CDH13: variants seen among roughly 807,000 people sequenced by gnomAD.
The protein encoded by CDH13 is cadherin-13.
A neutral mutation model predicts 63.8 loss-of-function variants in CDH13; 24 were observed. That is an observed-to-expected ratio of 0.38 (90% confidence interval 0.27 to 0.53). The LOEUF (loss-of-function observed/expected upper bound fraction) is 0.53. Ranked by LOEUF, CDH13 falls within the 20% of genes least tolerant of loss-of-function variation. The probability of loss-of-function intolerance (pLI) is 0.85; values close to 1 mark genes in which losing one functional copy is unlikely to be tolerated. For missense variants in CDH13, 1,049 were observed against 903.1 expected, an observed-to-expected ratio of 1.16 and a Z score of -2.07; for synonymous variants, 503 against 355.3, an observed-to-expected ratio of 1.42 and a Z score of -4.67.
intron 10 of CDH13, among the ~76,000 whole-genome samples, chr16:83,746,696 A>G (rs1225445214): frequency 6.6e-6 from 1 of 152,168 alleles, no homozygotes; most frequent in Admixed American, 6.5e-5. Flanking sequence ...ATGTCACTTC[A>G]TGGGGATGTA....
chr16:83,487,796 T>C (rs1466727675), intron 7 of CDH13, among the ~76,000 whole-genome samples: 4 of 152,186 alleles, frequency 2.6e-5, no homozygotes. Flanking sequence ...CTCAGTGTTT[T>C]TGATGAAATA....
chr16:83,423,727 A>C (rs2071789709), intron 6 of CDH13, among the ~76,000 whole-genome samples: 2 of 152,220 alleles, frequency 1.3e-5, no homozygotes, highest in Admixed American at 1.3e-4. Flanking sequence ...CCTAATAAAT[A>C]TGTAGGATCA....
chr16:82,970,492 C>T lies in CDH13; in HGVS notation c.158-61518C>T, dbSNP rs1417139911. Among the ~76,000 whole-genome samples, 8 of 141,136 alleles carry T rather than the reference C, an allele frequency of 5.7e-5. 2 individuals are homozygous for T. Among genetic ancestry groups the T allele is most frequent in the East Asian group, 4.3e-4 (2 of 4,680 alleles). 92.6% of individuals were successfully genotyped at this position (141,136 alleles called of 152,430 possible). A position where few individuals can be genotyped will look rare whatever the true frequency, so the allele number is the denominator to read the frequency against. ...TCGGCTCACTGCAAGCTCCACTTCC[C>T]GGGTTCACGCCATTCTCCTGCCTCA... On this transcript the variant is annotated intron_variant, in intron 2 of 13. Transcript: ENST00000567109.
chr16:83,558,920 T>C (rs1448954222), intron 7 of CDH13, among the ~76,000 whole-genome samples: 1 of 151,340 alleles, frequency 6.6e-6, no homozygotes, highest in Admixed American at 6.6e-5. Flanking sequence ...CCTCTGTATC[T>C]GTGGCACAAG....
Position 83,340,998 on chromosome 16 carries a change from A to T in CDH13, c.637-3864A>T, listed in dbSNP as rs377117681. Among the ~76,000 whole-genome samples, 8 of 152,140 alleles carry T rather than the reference A, an allele frequency of 5.3e-5. No homozygotes were observed. The East Asian group carries it at 1.4e-3, about 26-fold the overall frequency. On this transcript the variant is annotated intron_variant, in intron 5 of 13. Transcript: ENST00000567109. ...GGCAATGAGGGCCTGGGTGGTTTCC[A>T]TTTCCTTTGAGCAAGTATTTCATTG...
intron 3 of CDH13, among the ~76,000 whole-genome samples, chr16:83,066,214 G>A (rs72796232): frequency 0.2 from 29,841 of 152,154 alleles, 3,602 homozygotes; most frequent in Non-Finnish European, 0.28. Flanking sequence ...GTGATGATGA[G>A]TTCTTCTCAA....
Position 82,917,414 on chromosome 16 carries a change from G to T in CDH13, c.157+58941G>T, listed in dbSNP as rs542947192. 1.1e-4 allele frequency among the ~76,000 whole-genome samples: 16 copies of T among 152,250 alleles called. No homozygotes were observed. In the South Asian group the frequency reaches 2.5e-3, roughly 24 times the overall value. On this transcript the variant is annotated intron_variant, in intron 2 of 13. Transcript: ENST00000567109. ...GTTAATAGACAGGGCAGAAATGAAAGAAAGAAAGATTCTTCACAGGGAAGT... is the reference window on the plus strand; with the variant it reads ...GTTAATAGACAGGGCAGAAATGAAATAAAGAAAGATTCTTCACAGGGAAGT...
intron 8 of CDH13, among the ~76,000 whole-genome samples, chr16:83,664,548 A>G (rs889470242): frequency 7.4e-6 from 1 of 135,750 alleles, no homozygotes; most frequent in Admixed American, 7.8e-5. Context: ...CATATTATAT[A>G]TGTGTGTATA....
At chr16:82,766,453 C>T (rs751873884) in intron 1 of CDH13, among the ~76,000 whole-genome samples, 5 of 152,230 alleles carry the variant, frequency 3.3e-5, no homozygotes, top group Non-Finnish European at 5.9e-5. Flanking sequence ...AAAGATGCCA[C>T]ATGGATTCTG....
At chr16:83,534,721 C>T (rs1002394022) in intron 7 of CDH13, among the ~76,000 whole-genome samples, 2 of 152,220 alleles carry the variant, frequency 1.3e-5, no homozygotes, top group African/African-American at 4.8e-5. Flanking sequence ...CCTATCCTTT[C>T]ACTGATGGAC....
At chr16:83,425,577 C>G (rs36078225) in intron 6 of CDH13, among the ~76,000 whole-genome samples, 21,601 of 152,090 alleles carry the variant, frequency 0.14, 2,027 homozygotes, top group Non-Finnish European at 0.21. Flanking sequence ...CTGCTAATTC[C>G]TCTCCCTTCC....
intron 10 of CDH13, among the ~76,000 whole-genome samples, chr16:83,705,814 C>A (rs939774720): frequency 2.6e-5 from 4 of 152,172 alleles, no homozygotes; most frequent in African/African-American, 9.7e-5. Context: ...AATGTTGGGT[C>A]AAGTGATCCC....
intron 4 of CDH13, among the ~76,000 whole-genome samples, chr16:83,216,889 A>G (rs2039551586): frequency 6.6e-6 from 1 of 152,060 alleles, no homozygotes; most frequent in African/African-American, 2.4e-5. Context: ...CCTAGTACCT[A>G]GTAGAAGTGA....
At chr16:83,440,552 G>A (rs2151494425) in intron 6 of CDH13, among the ~76,000 whole-genome samples, 1 of 152,224 alleles carries the variant, frequency 6.6e-6, no homozygotes, top group East Asian at 1.9e-4. Context: ...GGCCAAGGCA[G>A]GCAGATCTCT....
chr16:83,093,526 G>A (rs2151587236), intron 3 of CDH13, among the ~76,000 whole-genome samples: 1 of 151,768 alleles, frequency 6.6e-6, no homozygotes, highest in African/African-American at 2.4e-5. Context: ...CACCGTGTTG[G>A]CCAGCCTGGT....
Position 83,665,116 on chromosome 16 carries a change from T to C in CDH13, c.1102-5674T>C, listed in dbSNP as rs1210550554. Among the ~76,000 whole-genome samples the C allele has an allele frequency of 4.9e-4, 75 of 152,152 alleles. 2 individuals are homozygous for C. Among genetic ancestry groups the C allele is most frequent in the Non-Finnish European group, 4.4e-5 (3 of 68,034 alleles). ...GGATTGACATCATTTGCCTCATGTC[T>C]GTTGTTGGAGCATAACAAGAATGAG... On this transcript the variant is annotated intron_variant, in intron 8 of 13. Coordinates refer to ENST00000567109, the MANE Select transcript of CDH13 (RefSeq NM_001257.5).
At chr16:83,163,243 T>TC (rs2037521776) in intron 4 of CDH13, among the ~76,000 whole-genome samples, 1 of 151,986 alleles carries the variant, frequency 6.6e-6, no homozygotes, top group South Asian at 2.1e-4. Context: ...TTGCCCAATC[T>TC]CGAGTATGTC....
chr16:83,208,592 G>A (rs761638390), intron 4 of CDH13, among the ~76,000 whole-genome samples: 1 of 151,982 alleles, frequency 6.6e-6, no homozygotes, highest in Non-Finnish European at 1.5e-5. Context: ...AGTAATATAG[G>A]CTCATTTTAT....
chr16:83,283,057 A>G (rs1425372803), intron 5 of CDH13, among the ~76,000 whole-genome samples: 1 of 152,206 alleles, frequency 6.6e-6, no homozygotes, highest in Non-Finnish European at 1.5e-5. Flanking sequence ...TAGAAGAAGA[A>G]AAGTTCCCAC....
Sources: allele counts gnomAD v4.1 joint callset (sites outside exome capture counted in the v4.1 genomes callset), GRCh38; gene constraint gnomAD v4.1.1; transcripts MANE v1.5; gene names NCBI Gene and HGNC (gene_info 2026-07-23, HGNC 2026-07-21).